Variants in GAS2 observed in about 807,000 individuals in gnomAD.
The protein encoded by GAS2 is growth arrest-specific protein 2.
Under a neutral mutation model 37.5 loss-of-function variants are expected in GAS2, and 20 were observed. The ratio of observed to expected loss-of-function variants is 0.53; its 90% CI spans 0.37 to 0.77. The LOEUF is 0.77. Ranked by LOEUF, GAS2 falls within the 30% of genes least tolerant of loss-of-function variation. The pLI is 0.00. For missense variants in GAS2, 336 were observed against 373.4 expected (o/e 0.90, Z 0.82); for synonymous variants, 144 against 132.2 (o/e 1.09, Z -0.61).
chr11:22,729,145 G>A (rs987917007), intron 4 of GAS2, among the ~76,000 whole-genome samples: 1 of 151,658 alleles, frequency 6.6e-6, no homozygotes, highest in African/African-American at 2.4e-5. Context: ...TCTGATGAAC[G>A]GGAAAAATGT....
chr11:22,701,540 C>T (rs1434266752), intron 3 of GAS2, among the ~76,000 whole-genome samples: 1 of 151,938 alleles, frequency 6.6e-6, no homozygotes, highest in Non-Finnish European at 1.5e-5. Flanking sequence ...AAAAATAGTT[C>T]GGAAAGGGCT....
intron 7 of GAS2, among the ~76,000 whole-genome samples, chr11:22,798,789 T>C (rs889604843): frequency 6.6e-6 from 1 of 151,960 alleles, no homozygotes; most frequent in Non-Finnish European, 1.5e-5. Flanking sequence ...ATCTTGAAAA[T>C]GCTAGAATCA....
At chr11:22,792,093 T>G (rs960674202) in intron 7 of GAS2, among the ~76,000 whole-genome samples, 3 of 152,206 alleles carry the variant, frequency 2.0e-5, no homozygotes, top group Non-Finnish European at 4.4e-5. Flanking sequence ...CACAGTGGGT[T>G]ACTGGAGAAA....
intron 7 of GAS2, among the ~76,000 whole-genome samples, chr11:22,789,813 T>C (rs1268454269): frequency 1.3e-5 from 2 of 152,076 alleles, no homozygotes; most frequent in African/African-American, 4.8e-5. Context: ...AAAAGAAATA[T>C]ATATCTCTCT....
intron 2 of GAS2, among the ~76,000 whole-genome samples, chr11:22,682,888 G>GAAAAAAAAAAAAAAAAAAGAAA (rs57025584): frequency 2.9e-5 from 3 of 102,346 alleles, no homozygotes; most frequent in African/African-American, 9.8e-5. Context: ...AAAAAAAAAG[G>GAAAAAAAAAAAAAAAAAAGAAA]AAAAAAAAAA....
chr11:22,679,218 C>A (rs1230015872), intron 2 of GAS2, among the ~76,000 whole-genome samples: 1 of 152,042 alleles, frequency 6.6e-6, no homozygotes, highest in Non-Finnish European at 1.5e-5. Flanking sequence ...TTGTGACCAA[C>A]ATTCAAAAAA....
intron 3 of GAS2, among the ~76,000 whole-genome samples, chr11:22,713,741 G>A (rs561023366): frequency 1.6e-4 from 24 of 152,166 alleles, no homozygotes; most frequent in African/African-American, 5.8e-4. Flanking sequence ...AAAGAATCTT[G>A]TACACAGCAA....
At chr11:22,739,303 T>G (rs1373047314) in intron 5 of GAS2, among the ~76,000 whole-genome samples, 1 of 151,908 alleles carries the variant, frequency 6.6e-6, no homozygotes, top group Admixed American at 6.6e-5. Context: ...GGCCGGGCGC[T>G]GTGGCTCATG....
chr11:22,805,734 C>T (rs1590151688), intron 7 of GAS2, among the ~76,000 whole-genome samples: 1 of 152,154 alleles, frequency 6.6e-6, no homozygotes, highest in Non-Finnish European at 1.5e-5. Flanking sequence ...AGAATGGCTA[C>T]TCCATAAACA....
At chr11:22,761,031 A>T (rs1276974607) in intron 7 of GAS2, among the ~76,000 whole-genome samples, 2 of 152,162 alleles carry the variant, frequency 1.3e-5, no homozygotes, top group African/African-American at 4.8e-5. Context: ...AACTTATAGC[A>T]TATTTTTCGT....
At chr11:22,717,159 A>G (rs1010375438) in intron 3 of GAS2, among the ~76,000 whole-genome samples, 1 of 152,122 alleles carries the variant, frequency 6.6e-6, no homozygotes, top group African/African-American at 2.4e-5. Context: ...CCTAAAATTC[A>G]TATGGGACCA....
At chr11:22,776,855 A>G (rs756032137) in intron 7 of GAS2, among the ~76,000 whole-genome samples, 2 of 152,152 alleles carry the variant, frequency 1.3e-5, no homozygotes, top group East Asian at 1.9e-4. Context: ...TGGTTAGTGT[A>G]TGTTTTTTGT....
In GAS2 at chr11:22,689,176, T is replaced by C. The variant is rs994837775; in HGVS notation, c.267+3387T>C. ...GAAGGTCAAAAAACTACCTATTGGG[T>C]TCTATGCTCACTATCTGGGTGATGA... On this transcript the variant is annotated intron_variant, in intron 3 of 7. Transcript: ENST00000454584. Among the ~76,000 whole-genome samples the C allele has an allele frequency of 2.6e-5, 4 of 152,178 alleles. No individual in the cohort carries two copies. In the East Asian group the frequency reaches 7.7e-4, roughly 29 times the overall value.
chr11:22,774,784 T>C (rs79554572), intron 7 of GAS2, among the ~76,000 whole-genome samples: 3 of 151,950 alleles, frequency 2.0e-5, no homozygotes, highest in Admixed American at 6.5e-5. Flanking sequence ...TTTTTTTTTT[T>C]CTGTTAATCT....
At chr11:22,682,829 C>T (rs367915674) in intron 2 of GAS2, among the ~76,000 whole-genome samples, 2 of 140,212 alleles carry the variant, frequency 1.4e-5, no homozygotes, top group Admixed American at 7.6e-5. Context: ...CTGACGAGAT[C>T]GCACCACTGC....
intron 7 of GAS2, among the ~76,000 whole-genome samples, chr11:22,776,356 GGTAT>G (rs1364069771): frequency 1.3e-5 from 2 of 151,942 alleles, no homozygotes; most frequent in Non-Finnish European, 2.9e-5. Context: ...TACAAAAATA[GGTAT>G]GGGCCAGATT....
At chr11:22,758,829 C>T (rs1388869337) in intron 7 of GAS2, among the ~76,000 whole-genome samples, 2 of 143,730 alleles carry the variant, frequency 1.4e-5, no homozygotes, top group African/African-American at 5.1e-5. Context: ...AGGAGAATTG[C>T]TTGAACCCAG....
Position 22,657,852 on chromosome 11 carries a change from T to C in GAS2, c.-20-16998T>C, listed in dbSNP as rs143479920. Among the ~76,000 whole-genome samples, 5 of 152,270 alleles carry C rather than the reference T, an allele frequency of 3.3e-5. No individual in the cohort carries two copies. In the East Asian group the frequency reaches 9.6e-4, roughly 29 times the overall value. ...GCATTTTATTAGAATTTAAATTTACTTCACAATTTAGTAATGAACTGAGTC... is the reference window on the plus strand; with the variant it reads ...GCATTTTATTAGAATTTAAATTTACCTCACAATTTAGTAATGAACTGAGTC... On this transcript the variant is annotated intron_variant, in intron 1 of 5. Coordinates refer to the GAS2 transcript ENST00000528582.
intron 1 of GAS2, among the ~76,000 whole-genome samples, chr11:22,649,402 G>A (rs1234542432): frequency 6.6e-6 from 1 of 151,940 alleles, no homozygotes; most frequent in Non-Finnish European, 1.5e-5. Flanking sequence ...TCTCTGCCCG[G>A]CTTTGGTATC....
Sources: allele counts gnomAD v4.1 joint callset (sites outside exome capture counted in the v4.1 genomes callset), GRCh38; gene constraint gnomAD v4.1.1; transcripts MANE v1.5; gene names NCBI Gene and HGNC (gene_info 2026-07-23, HGNC 2026-07-21).